Variants in PLD1 observed in about 807,000 individuals in gnomAD.
PLD1 encodes phospholipase D1, also known as choline phosphatase 1.
A neutral mutation model predicts 137.1 loss-of-function variants in PLD1; 112 were observed. That is an observed-to-expected ratio of 0.82 (90% CI 0.70 to 0.96). The LOEUF is 0.96. Among genes scored for constraint, PLD1 ranks in the 40% least tolerant of loss-of-function variants. The pLI is 0.00. For synonymous variants in PLD1, 431 were observed against 454.7 expected, an observed-to-expected ratio of 0.95 and a Z score of 0.66; for missense variants, 1,321 against 1,342.0, an observed-to-expected ratio of 0.98 and a Z score of 0.24.
At chr3:171,750,900 A>G (rs1188268148) in intron 1 of PLD1, among the ~76,000 whole-genome samples, 4 of 152,320 alleles carry the variant, frequency 2.6e-5, no homozygotes, top group Admixed American at 6.5e-5. Context: ...GACTTGCCCT[A>G]TCAGGTAGAT....
rs1452133322 is a variant in PLD1 at position 171,602,296 on chromosome 3, T to G, written c.*782A>C. 2 of 152,234 alleles carry G rather than the reference T, an allele frequency of 1.3e-5. No homozygotes were observed. Among genetic ancestry groups the G allele is most frequent in the Non-Finnish European group, 2.9e-5 (2 of 68,042 alleles). 9.4% of individuals were successfully genotyped at this position (152,234 alleles called of 1,614,324 possible). On this transcript the variant is annotated 3_prime_UTR_variant, in exon 27 of 27. Transcript: ENST00000351298. ...TAGCTGGTTGTTACGTAATCAAATA[T>G]CCCATGCATGTTTTTACATTTGATC...
intron 1 of PLD1, among the ~76,000 whole-genome samples, chr3:171,774,128 A>G (rs763421587): frequency 5.9e-5 from 9 of 152,216 alleles, no homozygotes; most frequent in Non-Finnish European, 1.3e-4. Flanking sequence ...AGTTAGAGAC[A>G]GAGCTGGGAT....
chr3:171,619,055 T>A (rs1006466183), intron 24 of PLD1, among the ~76,000 whole-genome samples: 1 of 152,206 alleles, frequency 6.6e-6, no homozygotes, highest in Admixed American at 6.5e-5. Flanking sequence ...AAACACTCCA[T>A]GACATTTAGT....
At chr3:171,749,606 A>T (rs1009136790) in intron 1 of PLD1, among the ~76,000 whole-genome samples, 3 of 152,226 alleles carry the variant, frequency 2.0e-5, no homozygotes, top group Admixed American at 2.0e-4. Context: ...GGAAACCTAC[A>T]TTTGGAAGAA....
chr3:171,710,264 T>C (rs571297528), intron 9 of PLD1, among the ~76,000 whole-genome samples: 72 of 152,144 alleles, frequency 4.7e-4, no homozygotes, highest in Middle Eastern at 3.4e-3. Context: ...GGTTTCACCG[T>C]GTTAGCCAGG....
chr3:171,710,387 A>G (rs988030366), intron 9 of PLD1, among the ~76,000 whole-genome samples: 8 of 151,914 alleles, frequency 5.3e-5, no homozygotes, highest in Non-Finnish European at 1.0e-4. Context: ...GTGGAAGGCA[A>G]TTTTTCCACG....
chr3:171,782,106 C>T (rs150883166), intron 1 of PLD1, among the ~76,000 whole-genome samples: 1 of 152,166 alleles, frequency 6.6e-6, no homozygotes, highest in African/African-American at 2.4e-5. Flanking sequence ...AGAAACATTA[C>T]GCTGAGTGAA....
rs757887725 is a variant in PLD1 at position 171,662,107 on chromosome 3, C to T, written c.2293G>A (p.Ala765Thr). The change falls in exon 20 of 27, where the codon GCT (alanine) becomes ACT (threonine). Residue 765 changes from alanine to threonine, a missense_variant. By Grantham distance (58) the Ala-to-Thr change is moderately conservative. Transcript: ENST00000351298. ...IKYHEESIHAAYVHVIENSRH... is the reference protein window; with the variant it reads ...IKYHEESIHATYVHVIENSRH... ...CTGTTCTCTATCACATGGACGTAAG[C>T]GGCGTGGATGGACTCTTCATGGTAC... 1.2e-5 allele frequency: 19 copies of T among 1,613,232 alleles called. No homozygotes were observed. The highest frequency in any genetic ancestry group is 2.2e-5 in the East Asian group (1 of 44,878).
intron 1 of PLD1, among the ~76,000 whole-genome samples, chr3:171,785,881 C>G (rs1283250720): frequency 1.3e-5 from 2 of 152,214 alleles, no homozygotes; most frequent in East Asian, 3.8e-4. Context: ...CTTCTTTCAG[C>G]CCTGTACTCT....
At chr3:171,648,110 A>G (rs961010579) in intron 21 of PLD1, among the ~76,000 whole-genome samples, 4 of 152,138 alleles carry the variant, frequency 2.6e-5, no homozygotes, top group African/African-American at 9.7e-5. Context: ...TCATCTGTTA[A>G]TGGACACTTA....
chr3:171,790,702 T>C (rs948431618), intron 1 of PLD1, among the ~76,000 whole-genome samples: 1 of 152,134 alleles, frequency 6.6e-6, no homozygotes, highest in Non-Finnish European at 1.5e-5. Flanking sequence ...AATGTAAATA[T>C]GATGTTGAGA....
chr3:171,748,034 A>G (rs181323558), intron 1 of PLD1, among the ~76,000 whole-genome samples: 1 of 152,346 alleles, frequency 6.6e-6, no homozygotes, highest in African/African-American at 2.4e-5. Flanking sequence ...AACATTACTA[A>G]ATGTTAGAAA....
Position 171,609,388 on chromosome 3 carries a change from T to C in PLD1, c.2882+2891A>G, listed in dbSNP as rs182540969. Among the ~76,000 whole-genome samples the C allele has an allele frequency of 3.3e-5, 5 of 152,088 alleles. No homozygotes were observed. The East Asian group carries it at 9.7e-4, about 29-fold the overall frequency. Reference sequence around the variant, plus strand: ...TCAATACAACAATCCCACAACTGGGTATCTACCTAAGTTGTCCTAAAAATG... The same window carrying C: ...TCAATACAACAATCCCACAACTGGGCATCTACCTAAGTTGTCCTAAAAATG... On this transcript the variant is annotated intron_variant, in intron 25 of 26. Transcript: ENST00000351298.
intron 1 of PLD1, among the ~76,000 whole-genome samples, chr3:171,800,906 G>T (rs1430792459): frequency 6.6e-6 from 1 of 152,170 alleles, no homozygotes; most frequent in Non-Finnish European, 1.5e-5. Flanking sequence ...AGCCACCATG[G>T]CCTAATCATC....
chr3:171,685,260 AATC>A, intron 16 of PLD1, among the ~76,000 whole-genome samples: 1 of 152,202 alleles, frequency 6.6e-6, no homozygotes, highest in Non-Finnish European at 1.5e-5. Context: ...GAATGCTGGG[AATC>A]ATTACTCAAA....
At chr3:171,657,176 T>C (rs1737284067) in intron 21 of PLD1, among the ~76,000 whole-genome samples, 1 of 152,194 alleles carries the variant, frequency 6.6e-6, no homozygotes, top group Non-Finnish European at 1.5e-5. Context: ...ACAGCAATAA[T>C]AACAACAATA....
chr3:171,752,010 A>G (rs940455437), intron 1 of PLD1, among the ~76,000 whole-genome samples: 7 of 152,176 alleles, frequency 4.6e-5, no homozygotes, highest in Admixed American at 1.3e-4. Flanking sequence ...CTCAAAAAAA[A>G]AAAAAAAGAA....
In PLD1 at chr3:171,639,650, T is replaced by G. The variant is rs1365950600; in HGVS notation, c.2593+3190A>C. Among the ~76,000 whole-genome samples, 6 of 115,456 alleles carry G rather than the reference T, an allele frequency of 5.2e-5. No homozygotes were observed. In the Admixed American group the frequency reaches 5.7e-4, roughly 11 times the overall value. The allele number at this position is 115,456 out of a possible 152,430, so 75.7% of individuals were successfully genotyped here. ...TATTCTATATAATATATATTATATA[T>G]AATATATATTCATATAATATATATT... On this transcript the variant is annotated intron_variant, in intron 23 of 26. Transcript: ENST00000351298.
At chr3:171,606,504 G>C (rs1217439276) in intron 25 of PLD1, among the ~76,000 whole-genome samples, 3 of 152,124 alleles carry the variant, frequency 2.0e-5, no homozygotes, top group Non-Finnish European at 4.4e-5. Context: ...ACAGAGAAGA[G>C]GACCGGGTGT....
Sources: gnomAD v4.1 joint callset for allele counts (sites outside exome capture counted in the v4.1 genomes callset) on GRCh38, gnomAD v4.1.1 for gene constraint, MANE v1.5 for transcripts, NCBI Gene and HGNC (gene_info 2026-07-23, HGNC 2026-07-21) for gene names.